Variants in SCN1A observed in about 807,000 individuals in gnomAD.
The protein encoded by SCN1A is sodium voltage-gated channel alpha subunit 1.
In SCN1A, 13 loss-of-function variants were observed where a neutral mutation model predicts 193.7. That is an observed-to-expected ratio of 0.07 (90% CI 0.04 to 0.11). SCN1A has a LOEUF of 0.11. Among genes scored for constraint, SCN1A ranks in the 10% least tolerant of loss-of-function variants. The pLI, the probability that SCN1A is intolerant of heterozygous loss-of-function variation, is 1.00. For missense variants in SCN1A, 1,432 were observed against 2,451.1 expected (o/e 0.58, Z 8.78); for synonymous variants, 781 against 843.6 (o/e 0.93, Z 1.29).
At chr2:166,127,088 A>G (rs1479870645) in intron 1 of SCN1A, 78 bp from the exon 2 acceptor site, 2 of 152,226 alleles carry the variant, frequency 1.3e-5, no homozygotes, top group African/African-American at 4.8e-5. Context: ...CTGTCTAAGT[A>G]AAAGTAAGTC....
chr2:166,048,514 C>G (rs1030909309), intron 10 of SCN1A, among the ~76,000 whole-genome samples: 2 of 152,056 alleles, frequency 1.3e-5, no homozygotes, highest in Admixed American at 1.3e-4. Flanking sequence ...CTATCCATAT[C>G]CCTGCAAAGG....
chr2:166,025,298 T>C (rs1401677840), intron 19 of SCN1A, among the ~76,000 whole-genome samples: 1 of 152,202 alleles, frequency 6.6e-6, no homozygotes, highest in East Asian at 1.9e-4. Flanking sequence ...ATTATAAGAC[T>C]GGGCTTCCTA....
At chr2:166,136,275 C>A (rs1042245497) in intron 1 of SCN1A, among the ~76,000 whole-genome samples, 4 of 152,022 alleles carry the variant, frequency 2.6e-5, no homozygotes, top group African/African-American at 9.7e-5. Context: ...GGGATGTGAC[C>A]CCTGACGTTT....
chr2:166,106,196 A>G (rs565606736), intron 2 of SCN1A, among the ~76,000 whole-genome samples: 1 of 152,312 alleles, frequency 6.6e-6, no homozygotes, highest in East Asian at 1.9e-4. Flanking sequence ...CAAAACAAAA[A>G]CAAAAACAAA....
At chr2:166,118,711 A>T (rs1690192790) in intron 2 of SCN1A, among the ~76,000 whole-genome samples, 2 of 151,982 alleles carry the variant, frequency 1.3e-5, no homozygotes, top group Admixed American at 6.6e-5. Flanking sequence ...TCTCAAAGTA[A>T]CTCTTTCCAG....
intron 2 of SCN1A, among the ~76,000 whole-genome samples, chr2:166,081,860 A>AT (rs1193155491): frequency 8.6e-5 from 13 of 152,008 alleles, no homozygotes; most frequent in Admixed American, 2.6e-4. Flanking sequence ...AATTGCTATT[A>AT]TTTTTTTGCC....
intron 2 of SCN1A, among the ~76,000 whole-genome samples, chr2:166,116,912 A>G (rs2106223015): frequency 6.6e-6 from 1 of 152,326 alleles, no homozygotes; most frequent in South Asian, 2.1e-4. Flanking sequence ...GTGCTTGGCT[A>G]AGTTATGCAG....
chr2:166,097,982 G>C (rs556997896), intron 2 of SCN1A, among the ~76,000 whole-genome samples: 4 of 152,274 alleles, frequency 2.6e-5, no homozygotes, highest in African/African-American at 9.6e-5. Flanking sequence ...TGCCTTGTTT[G>C]GATGAAGTTT....
intron 2 of SCN1A, among the ~76,000 whole-genome samples, chr2:166,093,906 G>T (rs1005261327): frequency 2.0e-5 from 3 of 152,162 alleles, no homozygotes; most frequent in Non-Finnish European, 4.4e-5. Flanking sequence ...CAATGCTCTT[G>T]TTTTAAAACC....
At position 166,045,178 on chromosome 2, in the gene SCN1A, C is replaced by T. The variant is rs147149558; in HGVS notation, c.1527G>A (p.Gln509=). ...CCTCATCTTTCTCTTCCCCACCAGA[C>T]TGCTCTTTCTGTTTTCTTTTCTTCC... ...NRRKKRKQKE[Q]SGGEEKDEDE... Residue 509 remains glutamine, a synonymous_variant, in exon 13 of 29, where the codon CAG becomes CAA. Transcript: ENST00000674923. 7.4e-6 allele frequency: 12 copies of T among 1,614,134 alleles called. No homozygotes were observed. Among genetic ancestry groups the T allele is most frequent in the Non-Finnish European group, 8.5e-6 (10 of 1,180,024 alleles).
chr2:166,084,830 G>GT lies in SCN1A; in HGVS notation c.-141-7030dup, dbSNP rs1359471121. Among the ~76,000 whole-genome samples the GT allele has an allele frequency of 2.0e-5, 3 of 152,128 alleles. No individual in the cohort carries two copies. The East Asian group carries it at 5.8e-4, about 29-fold the overall frequency. The stretch of plus-strand genomic sequence containing the variant: ...AAGAATGTGTGTTTGGAAGTCTGAG[G>GT]TAAGAAATCTGGCTGGAAGTGGCCA... On this transcript the variant is annotated intron_variant, in intron 2 of 28. Transcript: ENST00000674923.
At chr2:166,044,576 A>G (rs1697567511) in intron 13 of SCN1A, among the ~76,000 whole-genome samples, 1 of 152,160 alleles carries the variant, frequency 6.6e-6, no homozygotes, top group Non-Finnish European at 1.5e-5. Flanking sequence ...TCTGAAATTC[A>G]GAGTCATGTG....
At chr2:166,136,658 T>C (rs1691871490) in intron 1 of SCN1A, among the ~76,000 whole-genome samples, 1 of 152,158 alleles carries the variant, frequency 6.6e-6, no homozygotes, top group Non-Finnish European at 1.5e-5. Context: ...GATGGTACAT[T>C]CAAAATGGTT....
At chr2:166,009,670 G>A (rs1337807163) in intron 23 of SCN1A, 49 bp downstream of exon 23, 4 of 1,526,848 alleles carry the variant, frequency 2.6e-6, no homozygotes, top group Non-Finnish European at 3.5e-6. Context: ...ATTTAATTTA[G>A]TTTAATTTTG....
At chr2:166,131,726 G>C (rs1211825728), upstream of SCN1A, among the ~76,000 whole-genome samples, 1 of 152,268 alleles carries the variant, frequency 6.6e-6, no homozygotes, top group East Asian at 1.9e-4. Context: ...GAAAATAAAG[G>C]TAATTGGTTA....
chr2:166,105,378 A>G (rs546229256), intron 2 of SCN1A, among the ~76,000 whole-genome samples: 1 of 152,378 alleles, frequency 6.6e-6, no homozygotes, highest in Non-Finnish European at 1.5e-5. Context: ...AGAATCAACC[A>G]ACAATTTTAT....
At chr2:166,056,998 G>A (rs1220697123) in intron 5 of SCN1A, among the ~76,000 whole-genome samples, 2 of 152,070 alleles carry the variant, frequency 1.3e-5, no homozygotes, top group Admixed American at 6.6e-5. Context: ...AGTACAGCAC[G>A]ATGCTAATTG....
chr2:166,086,073 A>G lies in SCN1A; in HGVS notation c.-141-8272T>C, dbSNP rs142378632. 9.9e-5 allele frequency among the ~76,000 whole-genome samples: 15 copies of G among 152,270 alleles called. No homozygotes were observed. The East Asian group carries it at 2.9e-3, about 29-fold the overall frequency. Reference sequence around the variant, plus strand: ...ATAAAATTCTAAGCCCCCTGACTGAATTGACCTTCTCCTGGCCAAAAGGAT... The same window carrying G: ...ATAAAATTCTAAGCCCCCTGACTGAGTTGACCTTCTCCTGGCCAAAAGGAT... On this transcript the variant is annotated intron_variant, in intron 2 of 28. Coordinates refer to ENST00000674923, the MANE Select transcript of SCN1A (RefSeq NM_001165963.4).
intron 2 of SCN1A, among the ~76,000 whole-genome samples, chr2:166,118,894 T>G (rs1286525052): frequency 6.6e-6 from 1 of 152,226 alleles, no homozygotes; most frequent in Non-Finnish European, 1.5e-5. Flanking sequence ...ATAATCTAGA[T>G]AAGGAGTCCC....
Sources: gnomAD v4.1 joint callset for allele counts (sites outside exome capture counted in the v4.1 genomes callset) on GRCh38, gnomAD v4.1.1 for gene constraint, MANE v1.5 for transcripts, NCBI Gene and HGNC (gene_info 2026-07-23, HGNC 2026-07-21) for gene names.